Variants in BICDL1 observed in about 807,000 individuals in gnomAD.
BICDL1 encodes BICD family-like cargo adapter 1.
In BICDL1, 20 loss-of-function variants were observed where a neutral mutation model predicts 76.8. That is an observed-to-expected ratio of 0.26 (90% CI 0.18 to 0.38). BICDL1 has a LOEUF of 0.38. Ranked by LOEUF, BICDL1 falls within the 10% of genes least tolerant of loss-of-function variation. BICDL1 has a pLI of 1.00. For missense variants in BICDL1, 700 were observed against 798.6 expected (o/e 0.88, Z 1.49); for synonymous variants, 383 against 337.1 (o/e 1.14, Z -1.49).
intron 2 of BICDL1, among the ~76,000 whole-genome samples, chr12:120,044,953 G>A (rs1253215176): frequency 2.6e-5 from 4 of 152,096 alleles, no homozygotes; most frequent in Non-Finnish European, 5.9e-5. Flanking sequence ...GAAAGTCATT[G>A]GTAGCTTGAT....
intron 2 of BICDL1, among the ~76,000 whole-genome samples, chr12:120,032,461 A>C (rs1952442181): frequency 6.6e-6 from 1 of 152,194 alleles, no homozygotes; most frequent in Non-Finnish European, 1.5e-5. Flanking sequence ...CCAGATGATA[A>C]ATTAATTCCA....
At chr12:119,995,519 C>G (rs1003644587) in intron 1 of BICDL1, among the ~76,000 whole-genome samples, 13 of 152,284 alleles carry the variant, frequency 8.5e-5, no homozygotes, top group Non-Finnish European at 7.4e-5. Context: ...TTTTAGAACA[C>G]GAGCCTAATT....
intron 2 of BICDL1, among the ~76,000 whole-genome samples, chr12:119,999,502 T>C (rs919447550): frequency 3.3e-5 from 5 of 152,238 alleles, no homozygotes; most frequent in African/African-American, 9.6e-5. Flanking sequence ...ATGTACACTT[T>C]TTGTATTGTT....
At chr12:120,033,367 C>CTTTTTTTTTTTTTTTTATTTTTTTTTT (rs1952463929) in intron 2 of BICDL1, among the ~76,000 whole-genome samples, 1 of 77,624 alleles carries the variant, frequency 1.3e-5, no homozygotes, top group African/African-American at 7.9e-5. Context: ...GAGTTCTTGC[C>CTTTTTTTTTTTTTTTTATTTTTTTTTT]TTTTTTTTTT....
At chr12:120,081,412 C>T (rs533387594) in intron 8 of BICDL1, among the ~76,000 whole-genome samples, 13 of 137,832 alleles carry the variant, frequency 9.4e-5, no homozygotes, top group Non-Finnish European at 1.5e-4. Context: ...AGTGCGATGG[C>T]GCGATCTCAG....
At chr12:120,068,764 C>G (rs1428771356) in intron 4 of BICDL1, among the ~76,000 whole-genome samples, 9 of 152,154 alleles carry the variant, frequency 5.9e-5, no homozygotes, top group Admixed American at 5.9e-4. Context: ...TGCAGTGAGC[C>G]ACAATCGTGC....
intron 2 of BICDL1, among the ~76,000 whole-genome samples, chr12:120,050,562 T>A (rs1320263233): frequency 6.6e-6 from 1 of 152,040 alleles, no homozygotes; most frequent in Non-Finnish European, 1.5e-5. Context: ...CCACCACGCC[T>A]GGCCTAGATC....
intron 2 of BICDL1, among the ~76,000 whole-genome samples, chr12:120,030,758 C>A (rs752192690): frequency 6.6e-5 from 10 of 152,260 alleles, no homozygotes; most frequent in Non-Finnish European, 7.4e-5. Context: ...ATCTCATATT[C>A]ACTTTATTTT....
intron 2 of BICDL1, 158 bp from the exon 3 acceptor site, chr12:120,061,552 T>G: frequency 1.5e-6 from 1 of 665,724 alleles, no homozygotes; most frequent in Non-Finnish European, 2.7e-6. Context: ...TTGTCCTGTT[T>G]TGGACTAGAG....
chr12:120,041,874 G>A (rs1357285682), intron 2 of BICDL1, among the ~76,000 whole-genome samples: 1 of 152,210 alleles, frequency 6.6e-6, no homozygotes, highest in Non-Finnish European at 1.5e-5. Flanking sequence ...ATAAGATTGG[G>A]ATGCAGGGAG....
At chr12:120,002,376 A>G (rs1179126038) in intron 2 of BICDL1, among the ~76,000 whole-genome samples, 1 of 152,196 alleles carries the variant, frequency 6.6e-6, no homozygotes, top group Non-Finnish European at 1.5e-5. Flanking sequence ...CAACAGATAC[A>G]ACTCTTGGAT....
intron 1 of BICDL1, chr12:119,993,495 C>A (rs1951571235): frequency 6.6e-6 from 1 of 152,026 alleles, no homozygotes; most frequent in Non-Finnish European, 1.5e-5. Flanking sequence ...TTATATGTCT[C>A]TTGGGGTTAA....
At chr12:120,001,071 G>T (rs1199554381) in intron 2 of BICDL1, among the ~76,000 whole-genome samples, 1 of 151,674 alleles carries the variant, frequency 6.6e-6, no homozygotes, top group African/African-American at 2.4e-5. Context: ...GGCCCTTGGT[G>T]AGTTTTATAG....
chr12:120,041,671 T>C (rs1034962569), intron 2 of BICDL1, among the ~76,000 whole-genome samples: 4 of 152,068 alleles, frequency 2.6e-5, no homozygotes, highest in Non-Finnish European at 5.9e-5. Context: ...TCTGATAAGA[T>C]GACATTTGAG....
chr12:120,089,905 C>T (rs920523836), intron 8 of BICDL1, 46 bp from the exon 9 acceptor site: 4 of 1,602,442 alleles, frequency 2.5e-6, no homozygotes, highest in Non-Finnish European at 3.4e-6. Context: ...ACCAAGATGC[C>T]TCTGGCACAA....
At position 120,071,979 on chromosome 12, in the gene BICDL1, T is replaced by TC. The variant is rs111307557; in HGVS notation, c.1089+180dup. 8.4e-4 allele frequency among the ~76,000 whole-genome samples: 128 copies of TC among 152,356 alleles called. No individual in the cohort carries two copies. The highest frequency in any genetic ancestry group is 3.0e-3 in the African/African-American group (124 of 41,584). ...CCCTGATGGAGCATGTCCCTGGCCC[T>TC]CCATTTTCCACCCACTTTATCCATT... On this transcript the variant is annotated intron_variant, in intron 5 of 9. Coordinates refer to ENST00000548673, the MANE Select transcript of BICDL1 (RefSeq NM_001367886.1). This position sits in a 1 kb window ranked among gnomAD's most constrained non-coding sequence, Gnocchi z 4.8.
intron 2 of BICDL1, among the ~76,000 whole-genome samples, chr12:120,035,654 A>AT (rs1264283786): frequency 6.6e-6 from 1 of 152,060 alleles, no homozygotes; most frequent in Non-Finnish European, 1.5e-5. Flanking sequence ...TTTTTAAAGA[A>AT]TTTTTTTTCA....
At chr12:120,090,267 C>T (rs1293658687) in intron 9 of BICDL1, 196 bp downstream of exon 9, 17 of 616,744 alleles carry the variant, frequency 2.8e-5, no homozygotes, top group East Asian at 3.1e-5. Flanking sequence ...TGCTTTTGAG[C>T]GACAGTGCCC....
At chr12:120,035,014 G>T (rs1448468514) in intron 2 of BICDL1, among the ~76,000 whole-genome samples, 1 of 152,190 alleles carries the variant, frequency 6.6e-6, no homozygotes, top group Non-Finnish European at 1.5e-5. Flanking sequence ...GAGTTAGGTT[G>T]TTTCTGTAAT....
Sources: allele counts gnomAD v4.1 joint callset (sites outside exome capture counted in the v4.1 genomes callset), GRCh38; gene constraint gnomAD v4.1.1; non-coding constraint Gnocchi (gnomAD v3.1); transcripts MANE v1.5; gene names NCBI Gene and HGNC (gene_info 2026-07-23, HGNC 2026-07-21).